The following DCC variants were observed in gnomAD, a reference collection of about 807,000 sequenced individuals.
DCC encodes the protein netrin receptor DCC.
DCC carries 58 observed loss-of-function variants against 172.5 expected under a neutral mutation model. That is an observed-to-expected ratio of 0.34 (90% CI 0.27 to 0.42). DCC has a LOEUF of 0.42. Ranked by LOEUF, DCC falls within the 10% of genes least tolerant of loss-of-function variation. The pLI, the probability that DCC is intolerant of heterozygous loss-of-function variation, is 1.00. For synonymous variants in DCC, 709 were observed against 644.5 expected (o/e 1.10, Z -1.52); for missense variants, 1,740 against 1,791.0 (o/e 0.97, Z 0.51).
intron 7 of DCC, among the ~76,000 whole-genome samples, chr18:53,154,822 A>C (rs1334329121): frequency 2.0e-5 from 3 of 152,096 alleles, no homozygotes; most frequent in Admixed American, 2.0e-4. Flanking sequence ...GGAGAGAATA[A>C]ATTCACTCCA....
chr18:53,505,436 G>A (rs571382714), intron 27 of DCC: 1 of 152,314 alleles, frequency 6.6e-6, no homozygotes, highest in East Asian at 1.9e-4. Context: ...AGGTCAATGA[G>A]AGCAAAAACT....
At chr18:52,843,130 A>G (rs538764532) in intron 2 of DCC, among the ~76,000 whole-genome samples, 3 of 152,208 alleles carry the variant, frequency 2.0e-5, no homozygotes, top group Admixed American at 6.5e-5. Flanking sequence ...TAGAGAAAGA[A>G]AAGTGTATAG....
At chr18:52,885,423 C>T (rs1455820628) in intron 2 of DCC, among the ~76,000 whole-genome samples, 1 of 152,190 alleles carries the variant, frequency 6.6e-6, no homozygotes, top group Non-Finnish European at 1.5e-5. Context: ...AGGAGCCTCT[C>T]CCTGTGGCCA....
intron 12 of DCC, among the ~76,000 whole-genome samples, chr18:53,263,713 A>G (rs2056633387): frequency 6.6e-6 from 1 of 152,096 alleles, no homozygotes; most frequent in South Asian, 2.1e-4. Flanking sequence ...GTTTTGCATT[A>G]TAATATTTAA....
chr18:52,742,549 G>T (rs1432522778), intron 1 of DCC, among the ~76,000 whole-genome samples: 1 of 152,152 alleles, frequency 6.6e-6, no homozygotes, highest in African/African-American at 2.4e-5. Context: ...ATGGCATGAA[G>T]ATGTTTAAAT....
At chr18:52,584,636 A>G (rs993825908) in intron 1 of DCC, among the ~76,000 whole-genome samples, 101 of 152,266 alleles carry the variant, frequency 6.6e-4, no homozygotes, top group African/African-American at 2.4e-3. Flanking sequence ...TATTTGCTCA[A>G]GAGATACATC....
At chr18:53,229,540 C>T (rs973581147) in intron 12 of DCC, among the ~76,000 whole-genome samples, 29 of 152,080 alleles carry the variant, frequency 1.9e-4, no homozygotes, top group African/African-American at 6.5e-4. Context: ...TACACATCTC[C>T]TCCCAGCTCT....
At chr18:52,707,947 G>A (rs979494729) in intron 1 of DCC, among the ~76,000 whole-genome samples, 8 of 152,104 alleles carry the variant, frequency 5.3e-5, no homozygotes, top group South Asian at 2.1e-4. Flanking sequence ...TGTACATATG[G>A]TGTCTATAGT....
At chr18:52,633,290 C>A (rs898538299) in intron 1 of DCC, among the ~76,000 whole-genome samples, 1 of 152,158 alleles carries the variant, frequency 6.6e-6, no homozygotes, top group African/African-American at 2.4e-5. Flanking sequence ...TGGTCCTTTG[C>A]AGGAATAACC....
intron 9 of DCC, among the ~76,000 whole-genome samples, chr18:53,197,965 T>G (rs2055473905): frequency 6.6e-6 from 1 of 152,158 alleles, no homozygotes; most frequent in Admixed American, 6.5e-5. Flanking sequence ...TTAAAGCAGA[T>G]GAATTCAAAT....
chr18:52,904,873 A>G (rs1251116507), intron 2 of DCC, among the ~76,000 whole-genome samples: 1 of 152,192 alleles, frequency 6.6e-6, no homozygotes, highest in Non-Finnish European at 1.5e-5. Context: ...TAATTATTAA[A>G]ATTTAGTTGA....
intron 2 of DCC, among the ~76,000 whole-genome samples, chr18:52,850,235 ATCAC>A (rs2145337901): frequency 6.6e-6 from 1 of 152,328 alleles, no homozygotes; most frequent in African/African-American, 2.4e-5. Context: ...AAAATTTGGA[ATCAC>A]TCCCAGTTCT....
intron 2 of DCC, among the ~76,000 whole-genome samples, chr18:52,864,038 C>T (rs114330155): frequency 0.022 from 3,325 of 152,058 alleles, 123 homozygotes; most frequent in African/African-American, 0.075. Context: ...AATTTGCTAC[C>T]AGGTAGACAA....
chr18:52,404,518 A>G (rs191861765), intron 1 of DCC, among the ~76,000 whole-genome samples: 20 of 152,186 alleles, frequency 1.3e-4, no homozygotes, highest in Admixed American at 1.3e-3. Flanking sequence ...AAAGAAAGAA[A>G]TCTTTCCAAG....
chr18:52,358,666 C>G (rs1317569651), intron 1 of DCC, among the ~76,000 whole-genome samples: 1 of 152,222 alleles, frequency 6.6e-6, no homozygotes, highest in Non-Finnish European at 1.5e-5. Flanking sequence ...TCTCCACCCT[C>G]TAAAACTTGT....
chr18:53,033,055 C>T (rs939706153), intron 5 of DCC, among the ~76,000 whole-genome samples: 2 of 152,042 alleles, frequency 1.3e-5, no homozygotes, highest in African/African-American at 2.4e-5. Context: ...TGAAAGTTAG[C>T]GCTGGTTCTG....
Position 52,752,447 on chromosome 18 carries a change from A to G in DCC, c.412+73A>G. The stretch of plus-strand genomic sequence containing the variant: ...CTTATTCATTTTTGGGGATGAGAAA[A>G]TAATTTTTGTAGAAATAATGTACAT... On this transcript the variant is annotated intron_variant, in intron 2 of 28. Coordinates refer to ENST00000442544, the MANE Select transcript of DCC (RefSeq NM_005215.4). 3.4e-6 allele frequency: 4 copies of G among 1,170,194 alleles called. No individual in the cohort carries two copies. In the Admixed American group the frequency reaches 6.9e-5, roughly 20 times the overall value. The allele number at this position is 1,170,194 out of a possible 1,614,324, so 72.5% of individuals were successfully genotyped here.
In DCC at chr18:53,407,741, T is replaced by C. The variant is rs1394063343; in HGVS notation, c.2936-2711T>C. ...TATGTACACACACATATATCTCCAG[T>C]AGCAGGGTCTTCTTTTTAATAGATG... On this transcript the variant is annotated intron_variant, in intron 19 of 28. Transcript: ENST00000442544. 2.0e-5 allele frequency among the ~76,000 whole-genome samples: 3 copies of C among 151,832 alleles called. No homozygotes were observed. In the East Asian group the frequency reaches 5.8e-4, roughly 29 times the overall value.
intron 1 of DCC, among the ~76,000 whole-genome samples, chr18:52,575,481 T>C (rs1269397454): frequency 6.6e-6 from 1 of 152,194 alleles, no homozygotes. Flanking sequence ...CCAATCCTAA[T>C]GTGTTAGTGT....
Sources: gnomAD v4.1 joint callset for allele counts (sites outside exome capture counted in the v4.1 genomes callset) on GRCh38, gnomAD v4.1.1 for gene constraint, MANE v1.5 for transcripts, NCBI Gene and HGNC (gene_info 2026-07-23, HGNC 2026-07-21) for gene names.